Variants in ADAMTS8 observed in about 807,000 individuals in gnomAD.
ADAMTS8 encodes the protein ADAM metallopeptidase with thrombospondin type 1 motif 8.
Under a neutral mutation model 64.4 loss-of-function variants are expected in ADAMTS8, and 50 were observed. That is an observed-to-expected ratio of 0.78 (90% CI 0.62 to 0.98). The LOEUF (loss-of-function observed/expected upper bound fraction) is 0.98. Among genes scored for constraint, ADAMTS8 ranks in the 50% least tolerant of loss-of-function variants. The pLI is 0.00. For missense variants in ADAMTS8, 1,192 were observed against 1,208.2 expected (o/e 0.99, Z 0.20); for synonymous variants, 556 against 533.6 (o/e 1.04, Z -0.58).
chr11:130,419,372 C>T, intron 1 of ADAMTS8, 80 bp from the exon 2 acceptor site: 1 of 1,577,744 alleles, frequency 6.3e-7, no homozygotes, highest in Non-Finnish European at 8.6e-7. Context: ...GCTGCCATCA[C>T]CTCTTGTTAT....
At chr11:130,407,345 A>G (rs1300322715) in intron 8 of ADAMTS8, among the ~76,000 whole-genome samples, 1 of 152,150 alleles carries the variant, frequency 6.6e-6, no homozygotes, top group Non-Finnish European at 1.5e-5. Flanking sequence ...CAGCCTAGGC[A>G]ACAGAGTGAG....
Position 130,407,094 on chromosome 11 carries a change from G to A in ADAMTS8, c.2100-966C>T, listed in dbSNP as rs567293294. Among the ~76,000 whole-genome samples the A allele has an allele frequency of 1.7e-3, 252 of 152,286 alleles. 1 individual carries two copies. Among genetic ancestry groups the A allele is most frequent in the African/African-American group, 5.6e-3 (232 of 41,564 alleles). ...TGTAAAAAGAGTTCCAAGGCAGGGC[G>A]CAGTGGCTCATACCCACAATCCCAG... On this transcript the variant is annotated intron_variant, in intron 8 of 8. Transcript: ENST00000257359.
chr11:130,415,836 C>T (rs575100936), intron 4 of ADAMTS8, among the ~76,000 whole-genome samples: 188 of 152,212 alleles, frequency 1.2e-3, no homozygotes, highest in African/African-American at 4.2e-3. Flanking sequence ...GCCTCTGTCA[C>T]GCCTGAGCTG....
At chr11:130,413,937 A>C (rs551637926) in intron 5 of ADAMTS8, among the ~76,000 whole-genome samples, 1 of 152,294 alleles carries the variant, frequency 6.6e-6, no homozygotes, top group Non-Finnish European at 1.5e-5. Context: ...CACCTGCACC[A>C]GCCCTGAGGC....
In ADAMTS8 at chr11:130,405,761, C is replaced by G. The variant is rs1452998761; in HGVS notation, c.2467G>C (p.Ala823Pro). 6.2e-7 allele frequency: 1 copy of G among 1,614,174 alleles called. No individual in the cohort carries two copies. The highest frequency in any genetic ancestry group is 1.1e-5 in the South Asian group (1 of 91,090). ...AGCGGCTGGATGATGTTGGTGGTTGCTCTCTCTTTGCTGCTCTGCATGCTA... is the reference window on the plus strand; with the variant it reads ...AGCGGCTGGATGATGTTGGTGGTTGGTCTCTCTTTGCTGCTCTGCATGCTA... ...DFSMQSSKER[A>P]TTNIIQPLLH... is the part of the protein sequence containing the mutation. The change falls in exon 9 of 9, where the codon GCA becomes CCA. Residue 823 changes from alanine to proline, a missense_variant. By Grantham distance (27) the Ala-to-Pro change is conservative (BLOSUM62 -1). Transcript: ENST00000257359.
In ADAMTS8 at chr11:130,428,113, G is replaced by A; in HGVS notation, c.174C>T (p.Ser58=). 3.9e-6 allele frequency: 6 copies of A among 1,528,438 alleles called. No homozygotes were observed. The highest frequency in any genetic ancestry group is 1.9e-5 in the Admixed American group (1 of 51,286). 94.7% of individuals were successfully genotyped at this position (1,528,438 alleles called of 1,614,324 possible). A position where few individuals can be genotyped will look rare whatever the true frequency, so the allele number is the denominator to read the frequency against. Residue 58 remains serine, a synonymous_variant, in exon 1 of 9, where the codon TCC becomes TCT. Coordinates refer to ENST00000257359, the MANE Select transcript of ADAMTS8 (RefSeq NM_007037.6). ...GSAGELALHL[S]AFGKGFVLRL... is the part of the protein sequence containing the mutation. The stretch of plus-strand genomic sequence containing the variant: ...GCAGCACGAAGCCCTTGCCGAAGGC[G>A]GACAGGTGGAGCGCGAGCTCGCCCG...
In ADAMTS8 at chr11:130,411,735, T is replaced by C; in HGVS notation, c.1567-135A>G. 2.3e-6 allele frequency: 2 copies of C among 884,014 alleles called. No individual in the cohort carries two copies. Among genetic ancestry groups the C allele is most frequent in the Non-Finnish European group, 3.4e-6 (2 of 584,704 alleles). 54.8% of individuals were successfully genotyped at this position (884,014 alleles called of 1,614,324 possible). A position where few individuals can be genotyped will look rare whatever the true frequency, so the allele number is the denominator to read the frequency against. ...GGTGCATGGAGTGCCGTAAACTGCC[T>C]CAATCATTTGTTTAATGACTGTGTG... On this transcript the variant is annotated intron_variant, in intron 5 of 8. Coordinates refer to ENST00000257359, the MANE Select transcript of ADAMTS8 (RefSeq NM_007037.6). This position sits in a 1 kb window ranked among gnomAD's most constrained non-coding sequence, Gnocchi z 4.2.
chr11:130,418,262 G>A (rs1470036676), intron 2 of ADAMTS8, among the ~76,000 whole-genome samples: 3 of 141,686 alleles, frequency 2.1e-5, no homozygotes, highest in Non-Finnish European at 4.4e-5. Flanking sequence ...TGATAAGATC[G>A]GGAAATCTCT....
Position 130,428,225 on chromosome 11 carries a change from AG to A in ADAMTS8, c.61del (p.Leu21CysfsTer55). On this transcript the variant is annotated frameshift_variant, in exon 1 of 9. Coordinates refer to ENST00000257359, the MANE Select transcript of ADAMTS8 (RefSeq NM_007037.6). LOFTEE classifies it high-confidence loss of function. ...PPLLLLLLLL[L>X]PLARGAPARP... Reference sequence around the variant, plus strand: ...GGCCGGGGCGCCGCGGGCCAGCGGCAGCAGCAGCAGCAGCAGCAGCAGGAGC... The same window carrying A: ...GGCCGGGGCGCCGCGGGCCAGCGGCACAGCAGCAGCAGCAGCAGCAGGAGC... The A allele has an allele frequency of 4.7e-6, 1 of 211,276 alleles. No individual in the cohort carries two copies. Among genetic ancestry groups the A allele is most frequent in the Non-Finnish European group, 6.9e-6 (1 of 144,702 alleles). 13.1% of individuals were successfully genotyped at this position (211,276 alleles called of 1,614,324 possible).
At chr11:130,420,894 C>G (rs533590732) in intron 1 of ADAMTS8, among the ~76,000 whole-genome samples, 1 of 152,010 alleles carries the variant, frequency 6.6e-6, no homozygotes, top group Non-Finnish European at 1.5e-5. Flanking sequence ...GGTGGCTTGC[C>G]GAGATGAACT....
Position 130,411,972 on chromosome 11 carries a change from C to G in ADAMTS8, c.1567-372G>C. On this transcript the variant is annotated intron_variant, in intron 5 of 8. Coordinates refer to ENST00000257359, the MANE Select transcript of ADAMTS8 (RefSeq NM_007037.6). This position sits in a 1 kb window ranked among gnomAD's most constrained non-coding sequence, Gnocchi z 4.2. ...CCCTCCAGGGGACATTTGGCAATGT[C>G]TGGAGATACTCTGGTGGCTACAGCT... The G allele has an allele frequency of 4.1e-6, 1 of 246,272 alleles. No homozygotes were observed. The highest frequency in any genetic ancestry group is 9.9e-5 in the East Asian group (1 of 10,100). The allele number at this position is 246,272 out of a possible 1,614,324, so 15.3% of individuals were successfully genotyped here. A position where few individuals can be genotyped will look rare whatever the true frequency, so the allele number is the denominator to read the frequency against.
chr11:130,413,051 A>G (rs955498913), intron 5 of ADAMTS8, among the ~76,000 whole-genome samples: 5 of 152,124 alleles, frequency 3.3e-5, no homozygotes, highest in African/African-American at 4.8e-5. Context: ...TTGTATTTTT[A>G]GTAGAGACAG....
intron 1 of ADAMTS8, among the ~76,000 whole-genome samples, chr11:130,421,296 C>G (rs1862095598): frequency 6.6e-6 from 1 of 152,162 alleles, no homozygotes; most frequent in Admixed American, 6.6e-5. Context: ...GATTTTCATG[C>G]AGAATAAACT....
At chr11:130,414,403 T>C (rs1861991841) in intron 5 of ADAMTS8, 128 bp downstream of exon 5, 1 of 1,206,410 alleles carries the variant, frequency 8.3e-7, no homozygotes, top group East Asian at 2.6e-5. Flanking sequence ...TGTGAGCCGC[T>C]CTGCCTGGCT....
chr11:130,423,313 G>A (rs548002816), intron 1 of ADAMTS8, among the ~76,000 whole-genome samples: 5 of 152,278 alleles, frequency 3.3e-5, no homozygotes, highest in South Asian at 2.1e-4. Context: ...CATAAGGGAT[G>A]GAAAAGATGC....
intron 5 of ADAMTS8, among the ~76,000 whole-genome samples, chr11:130,413,442 A>G (rs1450305218): frequency 6.6e-6 from 1 of 152,188 alleles, no homozygotes; most frequent in Admixed American, 6.5e-5. Flanking sequence ...TGCAAAAGAC[A>G]TGCACTGAGG....
At chr11:130,417,730 C>CT (rs1205437162) in intron 2 of ADAMTS8, among the ~76,000 whole-genome samples, 2 of 152,060 alleles carry the variant, frequency 1.3e-5, no homozygotes, top group Admixed American at 1.3e-4. Context: ...CCTGGCTGAC[C>CT]TTTTTTAAGG....
Position 130,414,804 on chromosome 11 carries a change from C to T in ADAMTS8, c.1293G>A (p.Ala431=), listed in dbSNP as rs756851729. The change falls in exon 5 of 9, where the codon GCG becomes GCA. Residue 431 remains alanine (A), a synonymous_variant. Coordinates refer to ENST00000257359, the MANE Select transcript of ADAMTS8 (RefSeq NM_007037.6). The part of the protein sequence containing the change: ...HGDCLLDAPA[A]ALPLPTGLPG... ...GGAGGCCTGTGGGGAGGGGCAGGGC[C>T]GCAGCAGGGGCATCCAGGAGACAGT... The T allele has an allele frequency of 9.1e-5, 147 of 1,610,846 alleles. 1 individual carries two copies. In the South Asian group the frequency reaches 1.4e-3, roughly 15 times the overall value.
intron 1 of ADAMTS8, among the ~76,000 whole-genome samples, chr11:130,426,814 C>T (rs1221515825): frequency 6.6e-6 from 1 of 152,242 alleles, no homozygotes; most frequent in African/African-American, 2.4e-5. Context: ...TAGAGACATT[C>T]ACCCAAAGAG....
Sources: allele counts gnomAD v4.1 joint callset (sites outside exome capture counted in the v4.1 genomes callset), GRCh38; gene constraint gnomAD v4.1.1; non-coding constraint Gnocchi (gnomAD v3.1); transcripts MANE v1.5; gene names NCBI Gene and HGNC (gene_info 2026-07-23, HGNC 2026-07-21).